Variants in MYO1D observed in about 807,000 individuals in gnomAD.
The protein encoded by MYO1D is myosin ID, also known as unconventional myosin-Id.
In MYO1D, 83 loss-of-function variants were observed where a neutral mutation model predicts 122.0. The observed-to-expected ratio is 0.68, with a 90% CI of 0.57 to 0.82. MYO1D has a LOEUF of 0.82. Ranked by LOEUF, MYO1D falls within the 40% of genes least tolerant of loss-of-function variation. MYO1D has a pLI of 0.00. For missense variants in MYO1D, 1,157 were observed against 1,269.5 expected (o/e 0.91, Z 1.35); for synonymous variants, 464 against 446.9 (o/e 1.04, Z -0.48).
At chr17:32,525,604 C>T (rs72813060) in intron 21 of MYO1D, among the ~76,000 whole-genome samples, 12,351 of 152,158 alleles carry the variant, frequency 0.081, 528 homozygotes, top group Middle Eastern at 0.13. Flanking sequence ...GGCCGAGAAG[C>T]GATCAGAACC....
chr17:32,827,977 AACC>A (rs1347806300), intron 1 of MYO1D, among the ~76,000 whole-genome samples: 1 of 152,252 alleles, frequency 6.6e-6, no homozygotes, highest in Non-Finnish European at 1.5e-5. Flanking sequence ...ACCAAGTCAG[AACC>A]ACACCAATGG....
chr17:32,701,759 G>A (rs970009211), intron 16 of MYO1D, among the ~76,000 whole-genome samples: 22 of 152,094 alleles, frequency 1.4e-4, no homozygotes, highest in African/African-American at 5.3e-4. Flanking sequence ...TAGAGATGGG[G>A]TTTCGCTGTG....
chr17:32,511,439 G>C (rs377230746), intron 21 of MYO1D, among the ~76,000 whole-genome samples: 1 of 151,962 alleles, frequency 6.6e-6, no homozygotes, highest in East Asian at 1.9e-4. Flanking sequence ...TGCCCAGCCT[G>C]GTCTTGCCCA....
intron 17 of MYO1D, among the ~76,000 whole-genome samples, chr17:32,658,331 T>C (rs1442045004): frequency 2.0e-5 from 3 of 152,170 alleles, no homozygotes; most frequent in Admixed American, 2.0e-4. Flanking sequence ...CTTTATGGAG[T>C]ATCATGATAA....
At chr17:32,549,532 G>A (rs556983565) in intron 21 of MYO1D, among the ~76,000 whole-genome samples, 22 of 152,322 alleles carry the variant, frequency 1.4e-4, no homozygotes, top group East Asian at 7.7e-4. Context: ...TCTGTTTTCC[G>A]TAGTGTTAAT....
chr17:32,543,018 A>C (rs1194301033), intron 21 of MYO1D, among the ~76,000 whole-genome samples: 2 of 152,126 alleles, frequency 1.3e-5, no homozygotes, highest in African/African-American at 4.8e-5. Context: ...CGAGGTCAGG[A>C]GATCGAGACC....
At chr17:32,580,269 A>G (rs1012108519) in intron 21 of MYO1D, among the ~76,000 whole-genome samples, 20 of 80,276 alleles carry the variant, frequency 2.5e-4, no homozygotes, top group Middle Eastern at 0.011. Context: ...GTCCACTTCT[A>G]TTGTTAGTCT....
At chr17:32,739,581 T>C (rs1449988546) in intron 13 of MYO1D, among the ~76,000 whole-genome samples, 2 of 151,420 alleles carry the variant, frequency 1.3e-5, no homozygotes, top group Non-Finnish European at 2.9e-5. Flanking sequence ...ACATGGCGCA[T>C]GTATACATAT....
At chr17:32,514,714 G>A (rs1416794600) in intron 21 of MYO1D, among the ~76,000 whole-genome samples, 1 of 152,190 alleles carries the variant, frequency 6.6e-6, no homozygotes, top group East Asian at 1.9e-4. Context: ...TTGAAAAAAG[G>A]GATTTTTCTC....
At chr17:32,611,589 G>C (rs559049863) in intron 20 of MYO1D, among the ~76,000 whole-genome samples, 1 of 152,248 alleles carries the variant, frequency 6.6e-6, no homozygotes, top group Admixed American at 6.5e-5. Flanking sequence ...CAGTAACCTC[G>C]ACACTTTGGG....
chr17:32,712,812 G>A (rs774508639), intron 15 of MYO1D, among the ~76,000 whole-genome samples: 1 of 152,316 alleles, frequency 6.6e-6, no homozygotes, highest in African/African-American at 2.4e-5. Flanking sequence ...TCACCACACA[G>A]CGGCTTGCTT....
chr17:32,844,483 G>A (rs922104337), intron 1 of MYO1D, among the ~76,000 whole-genome samples: 10 of 149,108 alleles, frequency 6.7e-5, no homozygotes, highest in Admixed American at 6.0e-4. Context: ...CACTTTGAGA[G>A]GCTGAGACAG....
At chr17:32,642,668 G>T (rs962847237) in intron 19 of MYO1D, among the ~76,000 whole-genome samples, 2 of 152,068 alleles carry the variant, frequency 1.3e-5, no homozygotes, top group African/African-American at 4.8e-5. Context: ...GGATTCCTAG[G>T]TATTTTATTC....
At chr17:32,673,436 TCA>T (rs1028757571) in intron 16 of MYO1D, among the ~76,000 whole-genome samples, 2 of 152,050 alleles carry the variant, frequency 1.3e-5, no homozygotes, top group Admixed American at 6.6e-5. Flanking sequence ...GAGAATGAAA[TCA>T]CAGTTTGGGG....
In MYO1D at chr17:32,492,527, T is replaced by G. The variant is rs1399858490; in HGVS notation, c.*2232A>C. The G allele has an allele frequency of 1.3e-5, 2 of 152,302 alleles. No homozygotes were observed. The highest frequency in any genetic ancestry group is 6.6e-5 in the Admixed American group (1 of 15,264). The allele number at this position is 152,302 out of a possible 1,614,324, so 9.4% of individuals were successfully genotyped here. A position where few individuals can be genotyped will look rare whatever the true frequency, so the allele number is the denominator to read the frequency against. On this transcript the variant is annotated 3_prime_UTR_variant, in exon 22 of 22. Transcript: ENST00000318217. ...GATTTGTGCTTAATTCTCCCTTCTA[T>G]CCTCCCAGATAATGGTTGACTTTAT...
chr17:32,845,593 G>T (rs1296406711), intron 1 of MYO1D, among the ~76,000 whole-genome samples: 1 of 152,186 alleles, frequency 6.6e-6, no homozygotes, highest in African/African-American at 2.4e-5. Context: ...ATGTATCCAG[G>T]TTCTTGACTT....
chr17:32,843,720 G>A (rs562856417), intron 1 of MYO1D, among the ~76,000 whole-genome samples: 5 of 152,230 alleles, frequency 3.3e-5, no homozygotes, highest in East Asian at 1.9e-4. Context: ...CTGTAATTTC[G>A]AAAGGACATA....
At chr17:32,616,482 C>CTTT (rs552603493) in intron 20 of MYO1D, among the ~76,000 whole-genome samples, 127 of 135,550 alleles carry the variant, frequency 9.4e-4, no homozygotes, top group Middle Eastern at 3.8e-3. Context: ...TAATTAAAAA[C>CTTT]TTTTTTTTTT....
chr17:32,676,983 T>C (rs1033124970), intron 16 of MYO1D, among the ~76,000 whole-genome samples: 3 of 152,006 alleles, frequency 2.0e-5, no homozygotes, highest in Non-Finnish European at 2.9e-5. Context: ...GCTAATTTTT[T>C]GTATTTTTAG....
Sources: gnomAD v4.1 joint callset for allele counts (sites outside exome capture counted in the v4.1 genomes callset) on GRCh38, gnomAD v4.1.1 for gene constraint, MANE v1.5 for transcripts, NCBI Gene and HGNC (gene_info 2026-07-23, HGNC 2026-07-21) for gene names.